The following TMED3 variants were observed in gnomAD, a reference collection of about 807,000 sequenced individuals.
TMED3 encodes the protein transmembrane emp24 domain-containing protein 3.
Under a neutral mutation model 15.0 loss-of-function variants are expected in TMED3, and 9 were observed. The observed-to-expected ratio is 0.60, with a 90% CI of 0.36 to 1.04. The LOEUF is 1.04. TMED3 is among the 50% of genes least tolerant of loss of function. The pLI is 0.01. For synonymous variants in TMED3, 117 were observed against 121.4 expected (o/e 0.96, Z 0.24); for missense variants, 267 against 278.9 (o/e 0.96, Z 0.30).
intron 2 of TMED3, among the ~76,000 whole-genome samples, chr15:79,385,044 A>T (rs1447053163): frequency 6.6e-6 from 1 of 152,210 alleles, no homozygotes. Flanking sequence ...AGGTTGGGTG[A>T]TGGCCCACCT....
intron 2 of TMED3, among the ~76,000 whole-genome samples, chr15:79,357,464 CA>C (rs59897659): frequency 0.027 from 2,345 of 87,656 alleles, 17 homozygotes; most frequent in East Asian, 0.072. Context: ...CACCCTGCCT[CA>C]AAAAAAAAAA....
chr15:79,408,303 C>T (rs539878759), intron 2 of TMED3, among the ~76,000 whole-genome samples: 2 of 152,306 alleles, frequency 1.3e-5, no homozygotes, highest in South Asian at 4.1e-4. Context: ...TAGGTTGCAC[C>T]TTCTGCTTCT....
chr15:79,356,500 A>G (rs970985735), intron 2 of TMED3, among the ~76,000 whole-genome samples: 1 of 152,210 alleles, frequency 6.6e-6, no homozygotes, highest in Non-Finnish European at 1.5e-5. Context: ...CAGCTCCAGT[A>G]GTGAAAAGAC....
chr15:79,338,117 A>T (rs922200565), intron 2 of TMED3, among the ~76,000 whole-genome samples: 1 of 152,228 alleles, frequency 6.6e-6, no homozygotes, highest in Non-Finnish European at 1.5e-5. Context: ...TCATGGGAAA[A>T]ATAAATGTGT....
Position 79,311,151 on chromosome 15 carries a change from C to T in TMED3, c.-99C>T, listed in dbSNP as rs944707024. 6.0e-6 allele frequency: 8 copies of T among 1,323,356 alleles called. No individual in the cohort carries two copies. The highest frequency in any genetic ancestry group is 4.6e-5 in the African/African-American group (3 of 65,324). 82.0% of individuals were successfully genotyped at this position (1,323,356 alleles called of 1,614,324 possible). On this transcript the variant is annotated 5_prime_UTR_variant, in exon 1 of 3. Transcript: ENST00000299705. Reference sequence around the variant, plus strand: ...AGAGCTCCGCTGGTGCCACGTCTATCCCCTTACATCCTCCTAGGACCCGGT... The same window carrying T: ...AGAGCTCCGCTGGTGCCACGTCTATTCCCTTACATCCTCCTAGGACCCGGT...
At chr15:79,315,324 A>C (rs897514351) in intron 2 of TMED3, among the ~76,000 whole-genome samples, 2 of 152,226 alleles carry the variant, frequency 1.3e-5, no homozygotes, top group Non-Finnish European at 2.9e-5. Flanking sequence ...CAATAGTCAC[A>C]GGTGGCTAGT....
At chr15:79,409,595 C>G (rs1034706354) in intron 2 of TMED3, among the ~76,000 whole-genome samples, 3 of 152,176 alleles carry the variant, frequency 2.0e-5, no homozygotes, top group Non-Finnish European at 4.4e-5. Flanking sequence ...GAATAGATTT[C>G]TTATACATCT....
Position 79,311,174 on chromosome 15 carries a change from G to C in TMED3, c.-76G>C. On this transcript the variant is annotated 5_prime_UTR_variant, in exon 1 of 3. Transcript: ENST00000299705. ...ATCCCCTTACATCCTCCTAGGACCC[G>C]GTCGGTAGTCGTCGCCCCAGCCCGC... 2 of 1,482,992 alleles carry C rather than the reference G, an allele frequency of 1.3e-6. No individual in the cohort carries two copies. Among genetic ancestry groups the C allele is most frequent in the South Asian group, 1.3e-5 (1 of 77,232 alleles). The allele number at this position is 1,482,992 out of a possible 1,614,324, so 91.9% of individuals were successfully genotyped here. A position where few individuals can be genotyped will look rare whatever the true frequency, so the allele number is the denominator to read the frequency against.
intron 2 of TMED3, among the ~76,000 whole-genome samples, chr15:79,354,967 G>A (rs1417122100): frequency 6.6e-6 from 1 of 152,138 alleles, no homozygotes; most frequent in Admixed American, 6.5e-5. Flanking sequence ...TATTTAAGCA[G>A]CAAAGGCCAG....
intron 2 of TMED3, among the ~76,000 whole-genome samples, chr15:79,381,607 AG>A (rs2141249791): frequency 6.6e-6 from 1 of 152,322 alleles, no homozygotes; most frequent in East Asian, 1.9e-4. Context: ...GCCCAGGCTG[AG>A]AGGGCAGGTT....
intron 2 of TMED3, among the ~76,000 whole-genome samples, chr15:79,390,639 G>A (rs1196563200): frequency 6.6e-6 from 1 of 152,026 alleles, no homozygotes; most frequent in Non-Finnish European, 1.5e-5. Flanking sequence ...TCTCTGTGTT[G>A]TGGAAGAGTG....
At chr15:79,358,760 G>T (rs1012365990) in intron 2 of TMED3, among the ~76,000 whole-genome samples, 1 of 152,196 alleles carries the variant, frequency 6.6e-6, no homozygotes, top group African/African-American at 2.4e-5. Context: ...TTCATAGAAA[G>T]CAGGCAGCTT....
chr15:79,354,747 G>T (rs1000027917), intron 2 of TMED3, among the ~76,000 whole-genome samples: 1 of 152,132 alleles, frequency 6.6e-6, no homozygotes, highest in African/African-American at 2.4e-5. Context: ...GCAGAGCAAA[G>T]ATACTGCCAA....
exon 3 of TMED3, chr15:79,412,961 TG>T (rs2141262404): frequency 6.6e-6 from 1 of 152,322 alleles, no homozygotes; most frequent in East Asian, 1.9e-4. Context: ...AGCCTAGCTT[TG>T]GCTCCCTGAA....
intron 2 of TMED3, among the ~76,000 whole-genome samples, chr15:79,317,237 T>A (rs1031552772): frequency 6.6e-6 from 1 of 152,270 alleles, no homozygotes; most frequent in African/African-American, 2.4e-5. Flanking sequence ...TTCTGGCCTG[T>A]GTCGCTGGAT....
chr15:79,336,736 A>C (rs941763503), intron 2 of TMED3, among the ~76,000 whole-genome samples: 1 of 152,084 alleles, frequency 6.6e-6, no homozygotes, highest in African/African-American at 2.4e-5. Context: ...ACAAAGAAAA[A>C]AACACATTAG....
chr15:79,321,380 A>G (rs921422177), intron 2 of TMED3, among the ~76,000 whole-genome samples: 2 of 152,368 alleles, frequency 1.3e-5, no homozygotes, highest in Non-Finnish European at 1.5e-5. Context: ...GTATGTGTCT[A>G]TGTAGTGCCT....
intron 2 of TMED3, among the ~76,000 whole-genome samples, chr15:79,331,542 C>CAAAAAAAAA (rs71451761): frequency 9.0e-5 from 8 of 89,230 alleles, no homozygotes; most frequent in Admixed American, 1.2e-4. Context: ...GCAAAAGAAG[C>CAAAAAAAAA]AAAAAAAAAA....
At chr15:79,411,501 C>G (rs1464835461) in exon 3 of TMED3, 1 of 702,146 alleles carries the variant, frequency 1.4e-6, no homozygotes, top group African/African-American at 1.7e-5. Context: ...TGGCACCCTC[C>G]TAACAGATTT....
Sources: allele counts gnomAD v4.1 joint callset (sites outside exome capture counted in the v4.1 genomes callset), GRCh38; gene constraint gnomAD v4.1.1; transcripts MANE v1.5; gene names NCBI Gene and HGNC (gene_info 2026-07-23, HGNC 2026-07-21).